Variants in LIMK2 observed in about 807,000 individuals in gnomAD.
The protein encoded by LIMK2 is LIM domain kinase 2.
In LIMK2, 35 loss-of-function variants were observed where a neutral mutation model predicts 75.7. That is an observed-to-expected ratio of 0.46 (90% CI 0.35 to 0.61). The LOEUF (loss-of-function observed/expected upper bound fraction) is 0.61. Ranked by LOEUF, LIMK2 falls within the 20% of genes least tolerant of loss-of-function variation. The probability of loss-of-function intolerance (pLI) is 0.00; values close to 1 mark genes in which losing one functional copy is unlikely to be tolerated. For missense variants in LIMK2, 623 were observed against 831.0 expected (o/e 0.75, Z 3.08); for synonymous variants, 301 against 319.2 (o/e 0.94, Z 0.61).
chr22:31,267,651 T>A, intron 9 of LIMK2, 125 bp from the exon 10 acceptor site: 1 of 1,031,374 alleles, frequency 9.7e-7, no homozygotes, highest in Non-Finnish European at 1.4e-6. Flanking sequence ...TGCCCTGTCA[T>A]ATCACAAGAT....
At chr22:31,230,543 A>G (rs2048518803) in intron 2 of LIMK2, among the ~76,000 whole-genome samples, 1 of 152,208 alleles carries the variant, frequency 6.6e-6, no homozygotes, top group Admixed American at 6.5e-5. Flanking sequence ...CATTATCAGA[A>G]GGAAAATCCA....
chr22:31,266,011 G>A lies in LIMK2; in HGVS notation c.920G>A (p.Arg307His), dbSNP rs149963749. Residue 307 changes from arginine to histidine, a missense_variant, in exon 8 of 16, where the codon CGT becomes CAT. This residue lies in a region of LIMK2 where 514 missense variants were observed against 661.3 expected (regional missense o/e 0.78). Coordinates refer to ENST00000331728, the MANE Select transcript of LIMK2 (RefSeq NM_005569.4). ...CCAAAGGAGCCCCTGCTGTTCAGCC[G>A]TGACATCAGCCGCTCAGAATCCCTT... ...SSPKEPLLFS[R>H]DISRSESLRC... 137 of 1,614,076 alleles carry A rather than the reference G, an allele frequency of 8.5e-5. No homozygotes were observed. The highest frequency in any genetic ancestry group is 1.0e-4 in the Non-Finnish European group (121 of 1,179,998).
intron 2 of LIMK2, among the ~76,000 whole-genome samples, chr22:31,246,772 C>CA (rs74782124): frequency 5.4e-4 from 65 of 120,262 alleles, no homozygotes; most frequent in East Asian, 1.9e-3. Context: ...AAAAAAAAAA[C>CA]AAAAAAAAAA....
At chr22:31,261,239 T>C (rs922874226) in intron 5 of LIMK2, among the ~76,000 whole-genome samples, 2 of 152,118 alleles carry the variant, frequency 1.3e-5, no homozygotes, top group Non-Finnish European at 2.9e-5. Context: ...GGTGGGCAGA[T>C]TGCTTGAGGT....
intron 2 of LIMK2, among the ~76,000 whole-genome samples, chr22:31,249,015 G>A (rs2048698923): frequency 6.6e-6 from 1 of 152,210 alleles, no homozygotes; most frequent in Non-Finnish European, 1.5e-5. Flanking sequence ...TTCTATCCCA[G>A]ACAAACCTGA....
chr22:31,254,697 A>G (rs759035939), intron 2 of LIMK2, among the ~76,000 whole-genome samples: 23 of 152,296 alleles, frequency 1.5e-4, no homozygotes, highest in Admixed American at 5.2e-4. Context: ...AGTGGCTCAC[A>G]CCTGTAATCG....
intron 7 of LIMK2, among the ~76,000 whole-genome samples, chr22:31,264,925 G>T (rs2048876735): frequency 6.6e-6 from 1 of 152,142 alleles, no homozygotes; most frequent in South Asian, 2.1e-4. Flanking sequence ...CGGGTGTGGT[G>T]GCTCACGCCT....
At chr22:31,265,298 G>A (rs1199419624) in intron 7 of LIMK2, among the ~76,000 whole-genome samples, 1 of 151,400 alleles carries the variant, frequency 6.6e-6, no homozygotes, top group Admixed American at 6.6e-5. Context: ...CCTGGAAGGC[G>A]GAGGTCGCAG....
rs530874573 is a variant in LIMK2 at position 31,266,854 on chromosome 22, G to A, written c.1042-130G>A. On this transcript the variant is annotated intron_variant, in intron 8 of 15. Coordinates refer to ENST00000331728, the MANE Select transcript of LIMK2 (RefSeq NM_005569.4). ...GCTCCACGCTGCATCTTCCACACATGAACTCTGTCATTCTGACCCGGCTCA... is the reference window on the plus strand; with the variant it reads ...GCTCCACGCTGCATCTTCCACACATAAACTCTGTCATTCTGACCCGGCTCA... The A allele has an allele frequency of 7.3e-6, 5 of 682,064 alleles. No homozygotes were observed. In the African/African-American group the frequency reaches 8.9e-5, roughly 12 times the overall value. 42.3% of individuals were successfully genotyped at this position (682,064 alleles called of 1,614,324 possible).
Position 31,262,934 on chromosome 22 carries a change from C to G in LIMK2, c.854+143C>G. ...GAGGATTGTGCTGACCCAGCTGCCCCTGTGGGGATCACAGTTTACAGCCAG... is the reference window on the plus strand; with the variant it reads ...GAGGATTGTGCTGACCCAGCTGCCCGTGTGGGGATCACAGTTTACAGCCAG... On this transcript the variant is annotated intron_variant, in intron 7 of 15. Coordinates refer to ENST00000331728, the MANE Select transcript of LIMK2 (RefSeq NM_005569.4). This position sits in a 1 kb window ranked among gnomAD's most constrained non-coding sequence, Gnocchi z 5.0. 1 of 742,100 alleles carries G rather than the reference C, an allele frequency of 1.3e-6. No homozygotes were observed. The highest frequency in any genetic ancestry group is 2.1e-6 in the Non-Finnish European group (1 of 479,218). 46.0% of individuals were successfully genotyped at this position (742,100 alleles called of 1,614,324 possible).
chr22:31,248,391 A>T (rs2048690763), intron 2 of LIMK2: 2 of 1,352,706 alleles, frequency 1.5e-6, no homozygotes. Flanking sequence ...TTAGCTAGTC[A>T]CCGGCCCCTG....
Position 31,218,395 on chromosome 22 carries a change from G to C in LIMK2, c.16+5971G>C, listed in dbSNP as rs369435816. On this transcript the variant is annotated intron_variant, in intron 1 of 15. Transcript: ENST00000331728. ...AACTTTCTGAGATACCTGTGTCTGT[G>C]CCTTAACCTGAAAAAGGAGAGGCCC... 9.2e-5 allele frequency among the ~76,000 whole-genome samples: 14 copies of C among 152,332 alleles called. No homozygotes were observed. The East Asian group carries it at 1.9e-3, about 21-fold the overall frequency.
In LIMK2 at chr22:31,271,261, A is replaced by G. The variant is rs375148198; in HGVS notation, c.1383+60A>G. Reference sequence around the variant, plus strand: ...TCCTATCCTTCCTGGCTTCCTTGTCACAAAGGAGGCTGACTTGTCCCCTCT... The same window carrying G: ...TCCTATCCTTCCTGGCTTCCTTGTCGCAAAGGAGGCTGACTTGTCCCCTCT... On this transcript the variant is annotated intron_variant, in intron 12 of 15. Transcript: ENST00000331728. 2.6e-5 allele frequency: 38 copies of G among 1,455,078 alleles called. No individual in the cohort carries two copies. The African/African-American group carries it at 4.7e-4, about 18-fold the overall frequency. 90.1% of individuals were successfully genotyped at this position (1,455,078 alleles called of 1,614,324 possible).
At chr22:31,266,733 C>A (rs193225168) in intron 8 of LIMK2, among the ~76,000 whole-genome samples, 1 of 152,338 alleles carries the variant, frequency 6.6e-6, no homozygotes, top group African/African-American at 2.4e-5. Flanking sequence ...CCCCTCCTGC[C>A]TTCTTCCCCA....
chr22:31,247,712 A>G (rs2048683891), intron 2 of LIMK2, among the ~76,000 whole-genome samples: 1 of 152,072 alleles, frequency 6.6e-6, no homozygotes, highest in South Asian at 2.1e-4. Context: ...TCTGTACCTC[A>G]CTTTTCTTGT....
At chr22:31,222,648 C>A (rs2048445343) in intron 1 of LIMK2, 2 of 152,210 alleles carry the variant, frequency 1.3e-5, no homozygotes, top group Non-Finnish European at 1.5e-5. Context: ...ACAACTTTTT[C>A]ATACATGTGG....
chr22:31,240,677 C>T (rs753705001), intron 2 of LIMK2, among the ~76,000 whole-genome samples: 1 of 152,112 alleles, frequency 6.6e-6, no homozygotes, highest in Non-Finnish European at 1.5e-5. Context: ...CTGCTTCAGC[C>T]TCCCAAAGTG....
rs143199981 is a variant in LIMK2, at chr22:31,214,112, C to T, written c.16+1688C>T. Among the ~76,000 whole-genome samples the T allele has an allele frequency of 9.6e-4, 146 of 152,214 alleles. 1 individual carries two copies. The highest frequency in any genetic ancestry group is 8.5e-3 in the East Asian group (44 of 5,168). ...GATTACAGGCGTGAGCCACCGCACC[C>T]GGCCGATTTCCAGTAACTTTTTCTA... On this transcript the variant is annotated intron_variant, in intron 1 of 15. Coordinates refer to ENST00000331728, the MANE Select transcript of LIMK2 (RefSeq NM_005569.4).
At chr22:31,249,697 C>G (rs1170617746) in intron 2 of LIMK2, among the ~76,000 whole-genome samples, 1 of 152,144 alleles carries the variant, frequency 6.6e-6, no homozygotes, top group East Asian at 1.9e-4. Flanking sequence ...TCTGGCTTCT[C>G]TAAGCTAGGT....
Sources: gnomAD v4.1 joint callset for allele counts (sites outside exome capture counted in the v4.1 genomes callset) on GRCh38, gnomAD v4.1.1 for gene constraint, gnomAD v4.1.1 regional missense constraint, Gnocchi (gnomAD v3.1) non-coding constraint, MANE v1.5 for transcripts, NCBI Gene and HGNC (gene_info 2026-07-23, HGNC 2026-07-21) for gene names.